The following SHANK2 variants were observed in gnomAD, a reference collection of about 807,000 sequenced individuals.
SHANK2 encodes the protein SH3 and multiple ankyrin repeat domains protein 2.
A neutral mutation model predicts 133.7 loss-of-function variants in SHANK2; 43 were observed. That is an observed-to-expected ratio of 0.32 (90% CI 0.25 to 0.41). The LOEUF (loss-of-function observed/expected upper bound fraction) is 0.41, where lower values mean the gene tolerates loss of function less well. SHANK2 is among the 10% of genes least tolerant of loss of function. The pLI is 1.00. For missense variants in SHANK2, 1,994 were observed against 2,235.8 expected (o/e 0.89, Z 2.18); for synonymous variants, 1,017 against 952.8 (o/e 1.07, Z -1.24).
chr11:70,746,645 T>C lies in SHANK2; in HGVS notation c.1778-47882A>G, dbSNP rs542226136. ...CCCCATCTCCCCGCTGCTTTCAGGG[T>C]CACCCCTAGGAGGGGCCGATGGGAG... On this transcript the variant is annotated intron_variant, in intron 14 of 25. Transcript: ENST00000601538. Among the ~76,000 whole-genome samples the C allele has an allele frequency of 9.2e-5, 14 of 152,254 alleles. No individual in the cohort carries two copies. In the South Asian group the frequency reaches 2.5e-3, roughly 27 times the overall value.
chr11:71,092,497 G>C lies in SHANK2; in HGVS notation c.837C>G (p.Tyr279Ter). Residue 279 changes from tyrosine to a stop codon, truncating the protein, a stop_gained, in exon 8 of 26, where the codon TAC (tyrosine) becomes TAG (stop). Coordinates refer to ENST00000601538, the MANE Select transcript of SHANK2 (RefSeq NM_012309.5). LOFTEE classifies it high-confidence loss of function. ...GTTCGTGCAGGAGAAGCTCGCAGCA[G>C]TAGGGATCACCTCCGACGATGGCTG... ...YHTAIVGGDPYCCELLLHEHA... is the reference protein window; with the variant it reads ...YHTAIVGGDP 1 of 1,551,790 alleles carries C rather than the reference G, an allele frequency of 6.4e-7. No homozygotes were observed.
At chr11:71,148,729 G>A (rs1282107581) in intron 2 of SHANK2, among the ~76,000 whole-genome samples, 1 of 152,224 alleles carries the variant, frequency 6.6e-6, no homozygotes, top group Non-Finnish European at 1.5e-5. Flanking sequence ...CTCCACAGCT[G>A]TGACAATGAA....
At chr11:70,595,730 G>C (rs1355506290) in intron 17 of SHANK2, among the ~76,000 whole-genome samples, 2 of 152,248 alleles carry the variant, frequency 1.3e-5, no homozygotes, top group African/African-American at 4.8e-5. Flanking sequence ...CGGGTAGCGG[G>C]GGAAGATTGA....
chr11:70,523,727 G>A (rs1554971553), intron 17 of SHANK2, among the ~76,000 whole-genome samples: 1 of 152,182 alleles, frequency 6.6e-6, no homozygotes, highest in Admixed American at 6.5e-5. Flanking sequence ...GGCTGTGCAC[G>A]AATCAGGGGC....
intron 15 of SHANK2, among the ~76,000 whole-genome samples, chr11:70,690,913 G>C (rs1945276124): frequency 6.6e-6 from 1 of 151,914 alleles, no homozygotes; most frequent in African/African-American, 2.4e-5. Context: ...AAGAAATACG[G>C]GAGTAATCAT....
chr11:70,871,533 G>T (rs370797583), intron 11 of SHANK2, among the ~76,000 whole-genome samples: 1 of 152,218 alleles, frequency 6.6e-6, no homozygotes, highest in East Asian at 1.9e-4. Flanking sequence ...GCCCCTGGAG[G>T]GAGAGGCTGT....
rs1555125931 is a variant in SHANK2, at chr11:71,252,033, G to A, written c.-113+392C>T. ...GGCAAGGAGACCCCGGGAGAGCGGG[G>A]GAGGTCGCGCCACACGCGCTGTTCC... On this transcript the variant is annotated intron_variant, in intron 1 of 25. Transcript: ENST00000601538. The surrounding 1 kb of genome is among the most constrained non-coding windows in gnomAD (Gnocchi z 6.3). Among the ~76,000 whole-genome samples, 1 of 152,150 alleles carries A rather than the reference G, an allele frequency of 6.6e-6. No individual in the cohort carries two copies. Among genetic ancestry groups the A allele is most frequent in the African/African-American group, 2.4e-5 (1 of 41,454 alleles).
At chr11:70,864,476 G>A (rs555484678) in intron 11 of SHANK2, 8 of 152,636 alleles carry the variant, frequency 5.2e-5, no homozygotes, top group African/African-American at 1.7e-4. Flanking sequence ...CACTGTCAGA[G>A]AGGAAACAGA....
At chr11:70,889,758 G>A (rs575985815) in intron 11 of SHANK2, among the ~76,000 whole-genome samples, 10 of 152,318 alleles carry the variant, frequency 6.6e-5, no homozygotes, top group East Asian at 5.8e-4. Context: ...TAGGGCAGGC[G>A]AGTCAAGATG....
chr11:71,167,736 G>T, intron 2 of SHANK2, among the ~76,000 whole-genome samples: 1 of 141,074 alleles, frequency 7.1e-6, no homozygotes, highest in African/African-American at 2.7e-5. Flanking sequence ...CTTCCCAGTA[G>T]GGGCGGCCGG....
chr11:71,244,057 A>C (rs1555124716), intron 1 of SHANK2, among the ~76,000 whole-genome samples: 1 of 152,256 alleles, frequency 6.6e-6, no homozygotes, highest in Non-Finnish European at 1.5e-5. Flanking sequence ...ACTTCAAAAG[A>C]AAACTATAGG....
chr11:70,874,184 T>C (rs1307061907), intron 11 of SHANK2, among the ~76,000 whole-genome samples: 2 of 152,138 alleles, frequency 1.3e-5, no homozygotes, highest in African/African-American at 4.8e-5. Context: ...ACCTACCTAA[T>C]CTGTCCATCC....
intron 15 of SHANK2, among the ~76,000 whole-genome samples, chr11:70,663,455 G>T (rs1213709058): frequency 6.6e-6 from 1 of 152,190 alleles, no homozygotes; most frequent in Non-Finnish European, 1.5e-5. Context: ...AGAGAGATCG[G>T]AGGACCCAGC....
chr11:71,061,459 C>T (rs1392692828), intron 9 of SHANK2, among the ~76,000 whole-genome samples: 1 of 152,216 alleles, frequency 6.6e-6, no homozygotes, highest in Non-Finnish European at 1.5e-5. Flanking sequence ...GGGTGATAAC[C>T]AGCTTCAGCA....
intron 25 of SHANK2, among the ~76,000 whole-genome samples, chr11:70,481,119 C>T (rs181156282): frequency 6.6e-6 from 1 of 152,336 alleles, no homozygotes; most frequent in East Asian, 1.9e-4. Flanking sequence ...CCAGGTGGTC[C>T]TGGAACACTT....
chr11:70,509,213 C>T (rs1418906231), intron 17 of SHANK2, among the ~76,000 whole-genome samples: 2 of 152,234 alleles, frequency 1.3e-5, no homozygotes, highest in Non-Finnish European at 2.9e-5. Flanking sequence ...TATTGCAGCC[C>T]TCAGCCACAG....
chr11:70,498,735 C>T lies in SHANK2; in HGVS notation c.2308+1835G>A, dbSNP rs368173703. Reference sequence around the variant, plus strand: ...GGATGTTATGATAAATGACCATGCACGGGGGGCTTAAAACAATGGAAACGT... The same window carrying T: ...GGATGTTATGATAAATGACCATGCATGGGGGGCTTAAAACAATGGAAACGT... On this transcript the variant is annotated intron_variant, in intron 21 of 25. Coordinates refer to ENST00000601538, the MANE Select transcript of SHANK2 (RefSeq NM_012309.5). Among the ~76,000 whole-genome samples, 29 of 152,226 alleles carry T rather than the reference C, an allele frequency of 1.9e-4. No individual in the cohort carries two copies. The South Asian group carries it at 3.9e-3, about 21-fold the overall frequency.
chr11:71,144,182 C>A (rs558088544), intron 3 of SHANK2, among the ~76,000 whole-genome samples: 5 of 151,170 alleles, frequency 3.3e-5, no homozygotes, highest in Non-Finnish European at 5.9e-5. Flanking sequence ...TGTCCACACC[C>A]AACAAGGCTC....
chr11:71,153,180 G>A (rs1373680263), intron 2 of SHANK2, among the ~76,000 whole-genome samples: 2 of 151,810 alleles, frequency 1.3e-5, no homozygotes, highest in Non-Finnish European at 2.9e-5. Flanking sequence ...AGCCGAAGAC[G>A]CAATCTGAAA....
Sources: gnomAD v4.1 joint callset for allele counts (sites outside exome capture counted in the v4.1 genomes callset) on GRCh38, gnomAD v4.1.1 for gene constraint, Gnocchi (gnomAD v3.1) non-coding constraint, MANE v1.5 for transcripts, NCBI Gene and HGNC (gene_info 2026-07-23, HGNC 2026-07-21) for gene names.